The following RPTOR variants were observed in gnomAD, a reference collection of about 807,000 sequenced individuals.
The protein encoded by RPTOR is regulatory associated protein of MTOR complex 1.
A neutral mutation model predicts 169.9 loss-of-function variants in RPTOR; 21 were observed. The observed-to-expected ratio is 0.12, with a 90% CI of 0.09 to 0.18. The LOEUF (loss-of-function observed/expected upper bound fraction) is 0.18. Among genes scored for constraint, RPTOR ranks in the 10% least tolerant of loss-of-function variants. RPTOR has a pLI of 1.00. For missense variants in RPTOR, 1,133 were observed against 1,855.9 expected (o/e 0.61, Z 7.16); for synonymous variants, 732 against 753.2 (o/e 0.97, Z 0.46).
intron 13 of RPTOR, among the ~76,000 whole-genome samples, chr17:80,862,913 C>T (rs2067936277): frequency 6.6e-6 from 1 of 152,222 alleles, no homozygotes; most frequent in South Asian, 2.1e-4. Flanking sequence ...CCCCCTGCTG[C>T]CGCCAGCCGG....
At chr17:80,574,940 C>T (rs1046460383) in intron 1 of RPTOR, among the ~76,000 whole-genome samples, 20 of 141,430 alleles carry the variant, frequency 1.4e-4, no homozygotes, top group African/African-American at 4.7e-4. Flanking sequence ...GCTGGGATTA[C>T]GGATGTGAGC....
At chr17:80,775,616 T>C (rs2143433332) in intron 6 of RPTOR, among the ~76,000 whole-genome samples, 1 of 152,332 alleles carries the variant, frequency 6.6e-6, no homozygotes, top group Non-Finnish European at 1.5e-5. Flanking sequence ...GGTGCAGCAT[T>C]GTTGGGCACA....
rs1158374463 is a variant in RPTOR, at chr17:80,893,376, AAGGGTGTGTGCATGCC to A, written c.2243-320_2243-305del. On this transcript the variant is annotated intron_variant, in intron 19 of 33. Transcript: ENST00000306801. ...GTGTGTGTGCTGGGTGTGTGTGCACAAGGGTGTGTGCATGCCAGGGTGTGTGTGTGTGTGTACAAGG... is the reference window on the plus strand; with the variant it reads ...GTGTGTGTGCTGGGTGTGTGTGCACAAGGGTGTGTGTGTGTGTGTACAAGG... Among the ~76,000 whole-genome samples the A allele has an allele frequency of 1.5e-4, 17 of 111,314 alleles. No individual in the cohort carries two copies. The East Asian group carries it at 3.3e-3, about 21-fold the overall frequency. The allele number at this position is 111,314 out of a possible 152,430, so 73.0% of individuals were successfully genotyped here. A position where few individuals can be genotyped will look rare whatever the true frequency, so the allele number is the denominator to read the frequency against.
chr17:80,685,234 G>A (rs2065930913), intron 3 of RPTOR, among the ~76,000 whole-genome samples: 1 of 107,182 alleles, frequency 9.3e-6, no homozygotes, highest in African/African-American at 6.3e-5. Context: ...AGTGTGTGCA[G>A]TCTGGGAGAT....
At chr17:80,602,793 G>A (rs1023980093) in intron 1 of RPTOR, 4 of 697,298 alleles carry the variant, frequency 5.7e-6, no homozygotes, top group Admixed American at 5.7e-5. Context: ...CTCTCTGAGT[G>A]CCCAAGGGGC....
chr17:80,805,926 A>G (rs2067214134), intron 7 of RPTOR, among the ~76,000 whole-genome samples: 2 of 152,146 alleles, frequency 1.3e-5, no homozygotes. Flanking sequence ...AAGTCAGGGA[A>G]ACTTCCTCCC....
intron 3 of RPTOR, among the ~76,000 whole-genome samples, chr17:80,685,627 A>ATATATTTTTT (rs1269766086): frequency 1.6e-4 from 5 of 30,696 alleles, no homozygotes; most frequent in African/African-American, 3.4e-4. Flanking sequence ...ATATATATAT[A>ATATATTTTTT]TTTTTTTTTT....
intron 24 of RPTOR, among the ~76,000 whole-genome samples, chr17:80,930,566 C>G (rs1048001066): frequency 4.8e-5 from 7 of 145,278 alleles, no homozygotes; most frequent in Admixed American, 2.8e-4. Context: ...AGGAGGACAG[C>G]TGGCTCCACC....
At chr17:80,558,158 G>A (rs538324815) in intron 1 of RPTOR, among the ~76,000 whole-genome samples, 15 of 152,160 alleles carry the variant, frequency 9.9e-5, no homozygotes, top group East Asian at 1.9e-4. Context: ...AAAATTAGCC[G>A]GGCATGGTGG....
intron 4 of RPTOR, among the ~76,000 whole-genome samples, chr17:80,723,594 CA>C (rs2066305135): frequency 6.6e-6 from 1 of 151,334 alleles, no homozygotes; most frequent in Non-Finnish European, 1.5e-5. Flanking sequence ...ACCATTTTTC[CA>C]AGGATCTTTG....
At chr17:80,921,691 T>G (rs912391063) in intron 21 of RPTOR, among the ~76,000 whole-genome samples, 1 of 152,206 alleles carries the variant, frequency 6.6e-6, no homozygotes, top group Non-Finnish European at 1.5e-5. Flanking sequence ...GGCAGGAGGC[T>G]CTCAGAGCCC....
intron 1 of RPTOR, among the ~76,000 whole-genome samples, chr17:80,591,847 T>TGGGC (rs1391375560): frequency 6.6e-6 from 1 of 152,278 alleles, no homozygotes; most frequent in East Asian, 1.9e-4. Flanking sequence ...GGGGAAAGAT[T>TGGGC]GGGCGATAAT....
At chr17:80,952,812 G>A (rs2069197472) in intron 28 of RPTOR, among the ~76,000 whole-genome samples, 1 of 150,294 alleles carries the variant, frequency 6.7e-6, no homozygotes, top group Non-Finnish European at 1.5e-5. Context: ...TAGAAGTGCA[G>A]AGCCCAGACC....
chr17:80,949,822 G>T (rs913072391), intron 28 of RPTOR, among the ~76,000 whole-genome samples: 1 of 152,274 alleles, frequency 6.6e-6, no homozygotes, highest in Non-Finnish European at 1.5e-5. Context: ...TTGCAGACAT[G>T]TGCTGCTTGG....
chr17:80,737,755 G>A (rs541771813), intron 5 of RPTOR, among the ~76,000 whole-genome samples: 54 of 151,946 alleles, frequency 3.6e-4, no homozygotes, highest in African/African-American at 1.3e-3. Context: ...GTTAAGAAAT[G>A]TGTAATATAG....
chr17:80,745,594 C>G (rs2066564918), intron 5 of RPTOR, among the ~76,000 whole-genome samples: 1 of 152,200 alleles, frequency 6.6e-6, no homozygotes, highest in East Asian at 1.9e-4. Context: ...ATATCTTTGA[C>G]TATTAATAGA....
chr17:80,555,689 A>T (rs1429490846), intron 1 of RPTOR, among the ~76,000 whole-genome samples: 1 of 152,262 alleles, frequency 6.6e-6, no homozygotes, highest in Non-Finnish European at 1.5e-5. Context: ...ATATTAAATA[A>T]GTAAATCATT....
At chr17:80,644,245 C>T (rs1178028370) in intron 3 of RPTOR, among the ~76,000 whole-genome samples, 2 of 148,942 alleles carry the variant, frequency 1.3e-5, no homozygotes, top group East Asian at 3.9e-4. Context: ...TTATTATATG[C>T]TTTGCCTTTG....
intron 28 of RPTOR, among the ~76,000 whole-genome samples, chr17:80,949,941 C>T (rs535253588): frequency 3.9e-5 from 6 of 152,358 alleles, no homozygotes; most frequent in East Asian, 1.9e-4. Flanking sequence ...CCTTGGGGGT[C>T]GGGGTGCACA....
Sources: allele counts gnomAD v4.1 joint callset (sites outside exome capture counted in the v4.1 genomes callset), GRCh38; gene constraint gnomAD v4.1.1; transcripts MANE v1.5; gene names NCBI Gene and HGNC (gene_info 2026-07-23, HGNC 2026-07-21).